SCN9A: variants seen among roughly 807,000 people sequenced by gnomAD.
SCN9A encodes the protein sodium voltage-gated channel alpha subunit 9.
A neutral mutation model predicts 187.0 loss-of-function variants in SCN9A; 131 were observed. The observed-to-expected ratio is 0.70, with a 90% CI of 0.61 to 0.81. The LOEUF is 0.81. Among genes scored for constraint, SCN9A ranks in the 30% least tolerant of loss-of-function variants. The pLI is 0.00. For missense variants in SCN9A, 2,252 were observed against 2,396.6 expected, an observed-to-expected ratio of 0.94 and a Z score of 1.26; for synonymous variants, 809 against 808.6, an observed-to-expected ratio of 1.00 and a Z score of -0.01.
chr2:166,311,855 A>T, intron 1 of SCN9A, 49 bp from the exon 2 acceptor site: 1 of 1,203,968 alleles, frequency 8.3e-7, no homozygotes, highest in Non-Finnish European at 1.1e-6. Context: ...CTGCCAAGAA[A>T]GGCCCATTAA....
chr2:166,373,401 G>A (rs1347887942), intron 1 of SCN9A, among the ~76,000 whole-genome samples: 1 of 151,578 alleles, frequency 6.6e-6, no homozygotes, highest in Non-Finnish European at 1.5e-5. Context: ...GAATTGCAGG[G>A]GAGAAAATTA....
intron 5 of SCN9A, among the ~76,000 whole-genome samples, chr2:166,304,790 A>C (rs768152740): frequency 6.6e-6 from 1 of 152,098 alleles, no homozygotes; most frequent in Non-Finnish European, 1.5e-5. Context: ...GTGACTGCTA[A>C]TGAGTACAGA....
intron 2 of SCN9A, among the ~76,000 whole-genome samples, chr2:166,309,558 T>G (rs1698873439): frequency 6.6e-6 from 1 of 152,082 alleles, no homozygotes; most frequent in South Asian, 2.1e-4. Context: ...GTGAAGGACC[T>G]CTTCGAGGAG....
intron 26 of SCN9A, among the ~76,000 whole-genome samples, chr2:166,200,098 C>T (rs62176596): frequency 9.9e-5 from 14 of 141,130 alleles, no homozygotes; most frequent in South Asian, 2.3e-4. Flanking sequence ...CCCGGGTTCA[C>T]GCCATTCTCC....
chr2:166,199,148 C>A lies in SCN9A; in HGVS notation c.5491G>T (p.Val1831Phe), dbSNP rs200196731. Residue 1831 changes from valine (V) to phenylalanine (F), a missense_variant, in exon 27 of 27, where the codon GTT becomes TTT. Transcript: ENST00000642356. ...AGACAATGGATCCGGTCACCACTAA[C>A]CATGGGCAGATCCATGGCAATGAGC... is the stretch of plus-strand genomic sequence containing the variant. ...VQLIAMDLPM[V>F]SGDRIHCLDI... 3.8e-5 allele frequency: 62 copies of A among 1,614,068 alleles called. No individual in the cohort carries two copies. The highest frequency in any genetic ancestry group is 4.8e-5 in the Non-Finnish European group (57 of 1,180,050).
At position 166,258,811 on chromosome 2, in the gene SCN9A, CTTAAT is replaced by C. The variant is rs1472628811; in HGVS notation, c.3352-6931_3352-6927del. Among the ~76,000 whole-genome samples, 14 of 151,650 alleles carry C rather than the reference CTTAAT, an allele frequency of 9.2e-5. No homozygotes were observed. In the Admixed American group the frequency reaches 9.2e-4, roughly 10 times the overall value. ...CACAATTTTTTAGAGTTTTGATCTA[CTTAAT>C]TTAAATGTGACAATTTAATGTGATA... is the stretch of plus-strand genomic sequence containing the variant. On this transcript the variant is annotated intron_variant, in intron 17 of 26. Transcript: ENST00000642356.
Position 166,284,642 on chromosome 2 carries a change from C to G in SCN9A, c.1785G>C (p.Gln595His). The stretch of plus-strand genomic sequence containing the variant: ...GGCTGATGTTACTGCTGCGTCGCTC[C>G]TGGGGTCTGTGGGGCACAAACAGTG... ...RGSLFVPHRPQERRSSNISQA... is the reference protein window; with the variant it reads ...RGSLFVPHRPHERRSSNISQA... The change falls in exon 12 of 27, where the codon CAG (glutamine) becomes CAC (histidine). Residue 595 changes from glutamine (Q) to histidine (H), a missense_variant. Gln to His is a conservative substitution (Grantham distance 24, BLOSUM62 0). Transcript: ENST00000642356. The G allele has an allele frequency of 6.2e-7, 1 of 1,614,004 alleles. No homozygotes were observed. The highest frequency in any genetic ancestry group is 8.5e-7 in the Non-Finnish European group (1 of 1,179,882).
intron 22 of SCN9A, 51 bp downstream of exon 22, chr2:166,228,640 T>C (rs970492194): frequency 1.4e-6 from 2 of 1,390,034 alleles, no homozygotes; most frequent in Non-Finnish European, 2.0e-6. Flanking sequence ...ACTTATATCC[T>C]TCGTCCAATA....
chr2:166,363,453 G>T (rs2105318771), intron 1 of SCN9A, among the ~76,000 whole-genome samples: 1 of 151,992 alleles, frequency 6.6e-6, no homozygotes, highest in African/African-American at 2.4e-5. Context: ...GCTAGGCAAG[G>T]ATATTCTTTC....
intron 1 of SCN9A, among the ~76,000 whole-genome samples, chr2:166,364,502 A>G (rs1700367275): frequency 6.6e-6 from 1 of 152,228 alleles, no homozygotes; most frequent in Non-Finnish European, 1.5e-5. Flanking sequence ...AGCCTTAAAA[A>G]TGAATAAAAT....
At chr2:166,320,912 T>C (rs1699221943) in intron 1 of SCN9A, among the ~76,000 whole-genome samples, 1 of 152,156 alleles carries the variant, frequency 6.6e-6, no homozygotes, top group Non-Finnish European at 1.5e-5. Flanking sequence ...AAATCATCTG[T>C]GTAACCTAAA....
intron 1 of SCN9A, among the ~76,000 whole-genome samples, chr2:166,357,358 G>A (rs1574961304): frequency 6.6e-6 from 1 of 152,228 alleles, no homozygotes; most frequent in African/African-American, 2.4e-5. Context: ...CGCCTACAGG[G>A]CCATAGCTGA....
At chr2:166,206,156 A>G (rs553779002) in intron 24 of SCN9A, among the ~76,000 whole-genome samples, 19 of 152,272 alleles carry the variant, frequency 1.2e-4, no homozygotes, top group African/African-American at 4.3e-4. Flanking sequence ...CAGCAATCTC[A>G]TTACTGGGTA....
chr2:166,371,800 C>T (rs1019015399), intron 1 of SCN9A, among the ~76,000 whole-genome samples: 2 of 152,098 alleles, frequency 1.3e-5, no homozygotes, highest in Admixed American at 6.5e-5. Context: ...CAGATGCCCT[C>T]CAATACAACA....
intron 24 of SCN9A, among the ~76,000 whole-genome samples, chr2:166,216,467 C>A (rs1277290199): frequency 3.3e-5 from 5 of 151,968 alleles, no homozygotes; most frequent in Admixed American, 1.3e-4. Context: ...ATGACATGAT[C>A]TTTATATGTA....
At chr2:166,264,007 T>C (rs1191820361) in intron 17 of SCN9A, among the ~76,000 whole-genome samples, 2 of 151,992 alleles carry the variant, frequency 1.3e-5, no homozygotes, top group Non-Finnish European at 2.9e-5. Flanking sequence ...GCCACTGAGT[T>C]TTGCTAATTT....
intron 10 of SCN9A, among the ~76,000 whole-genome samples, chr2:166,287,411 C>A (rs1031820744): frequency 5.9e-5 from 9 of 151,856 alleles, no homozygotes; most frequent in African/African-American, 2.2e-4. Flanking sequence ...ACACATAGTT[C>A]TATGGCAAAA....
chr2:166,245,055 G>A (rs1400031867), intron 18 of SCN9A, among the ~76,000 whole-genome samples: 1 of 152,030 alleles, frequency 6.6e-6, no homozygotes, highest in Non-Finnish European at 1.5e-5. Context: ...ACTGATGAAT[G>A]AGTAAAGTTC....
intron 1 of SCN9A, among the ~76,000 whole-genome samples, chr2:166,315,320 A>G (rs369534920): frequency 3.1e-4 from 47 of 152,302 alleles, no homozygotes; most frequent in African/African-American, 1.1e-3. Context: ...AGATGTTGTG[A>G]ACTCAGATGT....
Sources: gnomAD v4.1 joint callset for allele counts (sites outside exome capture counted in the v4.1 genomes callset) on GRCh38, gnomAD v4.1.1 for gene constraint, MANE v1.5 for transcripts, NCBI Gene and HGNC (gene_info 2026-07-23, HGNC 2026-07-21) for gene names.